ATP11B: variants seen among roughly 807,000 people sequenced by gnomAD.
ATP11B encodes the protein phospholipid-transporting ATPase IF.
In ATP11B, 81 loss-of-function variants were observed where a neutral mutation model predicts 157.8. The observed-to-expected ratio is 0.51, with a 90% CI of 0.43 to 0.62. The LOEUF is 0.62. Ranked by LOEUF, ATP11B falls within the 20% of genes least tolerant of loss-of-function variation. The pLI is 0.00. For synonymous variants in ATP11B, 451 were observed against 469.4 expected, an observed-to-expected ratio of 0.96 and a Z score of 0.51; for missense variants, 1,165 against 1,402.2, an observed-to-expected ratio of 0.83 and a Z score of 2.70.
chr3:182,851,178 G>A (rs929112757), intron 10 of ATP11B, among the ~76,000 whole-genome samples: 2 of 152,154 alleles, frequency 1.3e-5, no homozygotes, highest in African/African-American at 4.8e-5. Context: ...TGTAGTCCCA[G>A]CTGCCTGGGA....
intron 28 of ATP11B, among the ~76,000 whole-genome samples, chr3:182,909,278 T>G (rs1473435729): frequency 6.6e-6 from 1 of 152,206 alleles, no homozygotes; most frequent in Non-Finnish European, 1.5e-5. Context: ...AGCATTTTTA[T>G]TATCTGTGCA....
At chr3:182,843,233 A>G (rs373278483) in intron 8 of ATP11B, among the ~76,000 whole-genome samples, 1 of 152,236 alleles carries the variant, frequency 6.6e-6, no homozygotes, top group East Asian at 1.9e-4. Context: ...TTCATCTGCT[A>G]GTAATTTGTG....
chr3:182,799,085 T>C (rs988203173), intron 1 of ATP11B, among the ~76,000 whole-genome samples: 3 of 152,210 alleles, frequency 2.0e-5, no homozygotes, highest in African/African-American at 7.2e-5. Context: ...TTTTTTTCTG[T>C]GAGTTTTCTA....
chr3:182,890,005 T>G (rs1437890259), intron 25 of ATP11B, among the ~76,000 whole-genome samples: 1 of 152,234 alleles, frequency 6.6e-6, no homozygotes, highest in Non-Finnish European at 1.5e-5. Context: ...TTTAATTGCA[T>G]TGTTGTTTGC....
chr3:182,905,785 T>C (rs777434753), intron 28 of ATP11B: 2 of 456,766 alleles, frequency 4.4e-6, no homozygotes, highest in South Asian at 3.1e-5. Flanking sequence ...TGCTTTTCTG[T>C]CCTTCCAGAT....
intron 8 of ATP11B, chr3:182,844,281 C>T (rs1302347899): frequency 6.6e-6 from 1 of 152,144 alleles, no homozygotes; most frequent in African/African-American, 2.4e-5. Flanking sequence ...TTGGACTATC[C>T]ATGGAGTGTA....
intron 17 of ATP11B, among the ~76,000 whole-genome samples, chr3:182,871,349 A>G (rs1395490289): frequency 6.6e-6 from 1 of 152,252 alleles, no homozygotes; most frequent in Non-Finnish European, 1.5e-5. Context: ...AAATGCATGT[A>G]GCAAGAAAAG....
At chr3:182,876,819 C>A (rs977900605) in intron 19 of ATP11B, among the ~76,000 whole-genome samples, 1 of 152,168 alleles carries the variant, frequency 6.6e-6, no homozygotes, top group African/African-American at 2.4e-5. Flanking sequence ...GTTAACTTTC[C>A]ACATTAATTT....
chr3:182,887,748 T>G (rs780582270), intron 24 of ATP11B, 35 bp downstream of exon 24: 1 of 1,580,202 alleles, frequency 6.3e-7, no homozygotes, highest in South Asian at 1.2e-5. Context: ...GCCTTATCAG[T>G]TTTTTTAAGT....
At chr3:182,915,939 G>T (rs1027874) in intron 29 of ATP11B, 241,867 of 979,736 alleles carry the variant, frequency 0.25, 33,412 homozygotes, top group East Asian at 0.55. Flanking sequence ...GCCCTTCCAG[G>T]TTTCTCCAAC....
intron 9 of ATP11B, among the ~76,000 whole-genome samples, chr3:182,846,073 A>G (rs1719497178): frequency 6.6e-6 from 1 of 152,202 alleles, no homozygotes; most frequent in Non-Finnish European, 1.5e-5. Context: ...TTAATACAGT[A>G]CACTCTGAGT....
At chr3:182,815,091 C>T (rs553822961) in intron 1 of ATP11B, among the ~76,000 whole-genome samples, 4 of 152,160 alleles carry the variant, frequency 2.6e-5, no homozygotes, top group Admixed American at 2.0e-4. Flanking sequence ...AGTTATCTTT[C>T]GCTAAGATTA....
chr3:182,842,382 A>C (rs1218089210), intron 8 of ATP11B, among the ~76,000 whole-genome samples: 1 of 152,168 alleles, frequency 6.6e-6, no homozygotes, highest in African/African-American at 2.4e-5. Context: ...CCTTTATAAT[A>C]AACCACTAAA....
intron 12 of ATP11B, among the ~76,000 whole-genome samples, chr3:182,862,512 C>T (rs1440140865): frequency 2.0e-5 from 3 of 152,162 alleles, no homozygotes; most frequent in Non-Finnish European, 4.4e-5. Context: ...GGGGAATACA[C>T]CTTCCAGCTG....
At chr3:182,900,621 A>G (rs1208855450) in intron 28 of ATP11B, among the ~76,000 whole-genome samples, 4 of 152,194 alleles carry the variant, frequency 2.6e-5, no homozygotes, top group East Asian at 1.9e-4. Context: ...ATTCACAATA[A>G]AAGAGTACTA....
rs1370751911 is a variant in ATP11B at position 182,920,134 on chromosome 3, A to AAAG, written c.*2031_*2033dup. ...AGTACTGACACCAGACAAAGACTCC[A>AAAG]AAGTCATAAAATAGCCTATGACCAA... On this transcript the variant is annotated 3_prime_UTR_variant, in exon 30 of 30. Coordinates refer to ENST00000323116, the MANE Select transcript of ATP11B (RefSeq NM_014616.3). The AAAG allele has an allele frequency of 3.9e-5, 6 of 152,238 alleles. No individual in the cohort carries two copies. The highest frequency in any genetic ancestry group is 1.4e-4 in the African/African-American group (6 of 41,464). 9.4% of individuals were successfully genotyped at this position (152,238 alleles called of 1,614,324 possible).
Position 182,820,241 on chromosome 3 carries a change from C to A in ATP11B, c.28-19C>A, listed in dbSNP as rs1246298567. 4 of 1,525,186 alleles carry A rather than the reference C, an allele frequency of 2.6e-6. No individual in the cohort carries two copies. Among genetic ancestry groups the A allele is most frequent in the Non-Finnish European group, 3.6e-6 (4 of 1,100,414 alleles). The allele number at this position is 1,525,186 out of a possible 1,614,324, so 94.5% of individuals were successfully genotyped here. On this transcript the variant is annotated intron_variant, in intron 1 of 29. Coordinates refer to ENST00000323116, the MANE Select transcript of ATP11B (RefSeq NM_014616.3). ...CTGGTTGACTAGTATTTCTTTTTCT[C>A]TTGCTTGATTGGTCTTAGGGTTTTG...
At chr3:182,866,579 T>C (rs1257503144) in intron 14 of ATP11B, 136 bp downstream of exon 14, 4 of 674,098 alleles carry the variant, frequency 5.9e-6, no homozygotes, top group Admixed American at 8.0e-5. Context: ...TACATAAAAA[T>C]AGAAGTACAA....
At chr3:182,865,807 A>G in intron 13 of ATP11B, 109 bp downstream of exon 13, 3 of 795,602 alleles carry the variant, frequency 3.8e-6, no homozygotes, top group Non-Finnish European at 2.0e-6. Flanking sequence ...AGGAATATAC[A>G]TTTGAAATTC....
Sources: allele counts gnomAD v4.1 joint callset (sites outside exome capture counted in the v4.1 genomes callset), GRCh38; gene constraint gnomAD v4.1.1; transcripts MANE v1.5; gene names NCBI Gene and HGNC (gene_info 2026-07-23, HGNC 2026-07-21).